Variants in BRDT observed in about 807,000 individuals in gnomAD.
The protein encoded by BRDT is bromodomain testis associated, also known as bromodomain testis-specific protein.
A neutral mutation model predicts 113.9 loss-of-function variants in BRDT; 77 were observed. The observed-to-expected ratio is 0.68, with a 90% CI of 0.56 to 0.82. The LOEUF (loss-of-function observed/expected upper bound fraction) is 0.82, where lower values mean the gene tolerates loss of function less well. Ranked by LOEUF, BRDT falls within the 40% of genes least tolerant of loss-of-function variation. The pLI, the probability that BRDT is intolerant of heterozygous loss-of-function variation, is 0.00. For missense variants in BRDT, 1,027 were observed against 1,105.4 expected (o/e 0.93, Z 1.01); for synonymous variants, 358 against 366.5 (o/e 0.98, Z 0.26).
chr1:91,949,723 G>A (rs1249680660), intron 1 of BRDT, 41 bp downstream of exon 1: 1 of 152,252 alleles, frequency 6.6e-6, no homozygotes, highest in African/African-American at 2.4e-5. Context: ...ACCAACTTCA[G>A]GCTCGTTGCC....
chr1:92,005,302 A>C lies in BRDT; in HGVS notation c.2775+3A>C, dbSNP rs1687202709. 6.5e-7 allele frequency: 1 copy of C among 1,534,166 alleles called. No individual in the cohort carries two copies. Among genetic ancestry groups the C allele is most frequent in the Admixed American group, 2.3e-5 (1 of 42,718 alleles). Reference sequence around the variant, plus strand: ...AAGAGAGGAGGAGGAGAGAAGCAGTAAGTGAATTTTAGTTTACTAAATCTA... The same window carrying C: ...AAGAGAGGAGGAGGAGAGAAGCAGTCAGTGAATTTTAGTTTACTAAATCTA... On this transcript the variant is annotated splice_donor_region_variant and intron_variant, in intron 18 of 18. Transcript: ENST00000399546.
intron 4 of BRDT, among the ~76,000 whole-genome samples, chr1:91,974,184 A>G (rs1314584307): frequency 6.6e-6 from 1 of 152,238 alleles, no homozygotes; most frequent in African/African-American, 2.4e-5. Context: ...TAAAAACCCT[A>G]GAAGAAAACC....
intron 18 of BRDT, among the ~76,000 whole-genome samples, chr1:92,006,665 A>C (rs1373254223): frequency 1.3e-5 from 2 of 151,968 alleles, no homozygotes; most frequent in Admixed American, 1.3e-4. Flanking sequence ...ATGGGGTTTC[A>C]CCATGTTAGG....
chr1:91,978,264 C>T lies in BRDT; in HGVS notation c.1066C>T (p.His356Tyr), dbSNP rs1439008577. The T allele has an allele frequency of 1.2e-6, 2 of 1,614,082 alleles. No individual in the cohort carries two copies. The highest frequency in any genetic ancestry group is 1.7e-6 in the Non-Finnish European group (2 of 1,179,994). Residue 356 changes from histidine (H) to tyrosine (Y), a missense_variant, in exon 7 of 19, where the codon CAC (histidine) becomes TAC (tyrosine). By Grantham distance (83) the His-to-Tyr change is moderately conservative. Transcript: ENST00000399546. ...TTGCTACAAGTACAATCCTCCAGAT[C>T]ACGAAGTTGTGACAATGGCAAGAAT... ...MNCYKYNPPD[H>Y]EVVTMARMLQ...
chr1:92,009,441 T>C (rs1332229938), intron 18 of BRDT, among the ~76,000 whole-genome samples: 1 of 152,136 alleles, frequency 6.6e-6, no homozygotes, highest in African/African-American at 2.4e-5. Flanking sequence ...TACCACAGTT[T>C]AGTTATTACT....
chr1:91,962,843 A>G lies in BRDT; in HGVS notation c.89A>G (p.Asn30Ser). Reference sequence around the variant, plus strand: ...ACTAAGAAAAATGGGCGATTGACAAATCAACTTCAGTATCTACAAAAAGTT... The same window carrying G: ...ACTAAGAAAAATGGGCGATTGACAAGTCAACTTCAGTATCTACAAAAAGTT... ...INTKKNGRLT[N>S]QLQYLQKVVL... Residue 30 changes from asparagine (N) to serine (S), a missense_variant, in exon 2 of 19, where the codon AAT becomes AGT. Coordinates refer to ENST00000399546, the MANE Select transcript of BRDT (RefSeq NM_207189.4). 6.2e-7 allele frequency: 1 copy of G among 1,613,036 alleles called. No homozygotes were observed. The highest frequency in any genetic ancestry group is 8.5e-7 in the Non-Finnish European group (1 of 1,179,636).
intron 14 of BRDT, among the ~76,000 whole-genome samples, chr1:91,993,082 A>G: frequency 6.6e-6 from 1 of 152,220 alleles, no homozygotes; most frequent in Non-Finnish European, 1.5e-5. Context: ...AGGTTCATGT[A>G]TGAATGTATA....
Position 91,965,034 on chromosome 1 carries a change from G to A in BRDT, c.330+270G>A, listed in dbSNP as rs139045545. Among the ~76,000 whole-genome samples the A allele has an allele frequency of 4.9e-3, 734 of 151,168 alleles. 5 individuals carry two copies. Among genetic ancestry groups the A allele is most frequent in the African/African-American group, 0.017 (687 of 41,154 alleles). On this transcript the variant is annotated intron_variant, in intron 3 of 18. Transcript: ENST00000399546. Reference sequence around the variant, plus strand: ...AGTGATTCTCCTGCCTCAGCCTCCCGAGTAGCTGGGAATACAGGCACCCAC... The same window carrying A: ...AGTGATTCTCCTGCCTCAGCCTCCCAAGTAGCTGGGAATACAGGCACCCAC...
chr1:91,975,553 G>A (rs928298546), intron 4 of BRDT, among the ~76,000 whole-genome samples: 6 of 152,196 alleles, frequency 3.9e-5, no homozygotes, highest in African/African-American at 1.4e-4. Flanking sequence ...CCACTTGTGA[G>A]AAGTGTTTGA....
intron 18 of BRDT, among the ~76,000 whole-genome samples, chr1:92,006,200 T>C (rs1400516254): frequency 6.6e-6 from 1 of 152,220 alleles, no homozygotes; most frequent in Non-Finnish European, 1.5e-5. Context: ...GTGTATTTTA[T>C]TGCTGTTGGA....
At chr1:91,987,674 T>TG (rs1380756466) in intron 12 of BRDT, among the ~76,000 whole-genome samples, 1 of 151,912 alleles carries the variant, frequency 6.6e-6, no homozygotes, top group Non-Finnish European at 1.5e-5. Context: ...TTTTGTTTTT[T>TG]TAAATCATAT....
rs1684112004 is a variant in BRDT, at chr1:91,976,087, T to C, written c.446-179T>C. On this transcript the variant is annotated intron_variant, in intron 4 of 18. Transcript: ENST00000399546. ...TTAATAACAAATGTTGAAGTCTCCA[T>C]TATTATATCTAAATTGGTCTAACCT... is the stretch of plus-strand genomic sequence containing the variant. Among the ~76,000 whole-genome samples the C allele has an allele frequency of 2.6e-5, 4 of 152,328 alleles. No individual in the cohort carries two copies. The Middle Eastern group carries it at 0.01, about 389-fold the overall frequency.
chr1:91,963,782 T>C (rs1361887306), intron 2 of BRDT, among the ~76,000 whole-genome samples: 1 of 126,528 alleles, frequency 7.9e-6, no homozygotes, highest in East Asian at 2.7e-4. Flanking sequence ...TGTTCATCTT[T>C]ATTGGCTTTT....
At position 91,980,649 on chromosome 1, in the gene BRDT, G is replaced by A. The variant is rs1186688662; in HGVS notation, c.1294G>A (p.Ala432Thr). ...RLAKLQEQLK[A>T]VHQQLQVLSQ... is the part of the protein sequence containing the mutation. The stretch of plus-strand genomic sequence containing the variant: ...ATTTTTTTTCTTTTATCAGCTTAAA[G>A]CTGTACATCAACAGCTCCAGGTTTT... Residue 432 changes from alanine to threonine, a missense_variant, in exon 9 of 19, where the codon GCT becomes ACT. Ala to Thr is a moderately conservative substitution (Grantham distance 58). Transcript: ENST00000399546. The A allele has an allele frequency of 7.8e-6, 12 of 1,540,268 alleles. No individual in the cohort carries two copies. Among genetic ancestry groups the A allele is most frequent in the Non-Finnish European group, 1.0e-5 (12 of 1,150,472 alleles).
intron 1 of BRDT, among the ~76,000 whole-genome samples, chr1:91,961,110 A>C (rs887112627): frequency 1.3e-5 from 2 of 152,190 alleles, no homozygotes; most frequent in East Asian, 3.9e-4. Flanking sequence ...CAGGAGTTCC[A>C]GACCAGCTTG....
At chr1:91,978,615 G>T (rs1210759685) in intron 7 of BRDT, among the ~76,000 whole-genome samples, 1 of 152,114 alleles carries the variant, frequency 6.6e-6, no homozygotes, top group South Asian at 2.1e-4. Context: ...ATGATATATA[G>T]GGTTGACTAG....
rs761642035 is a variant in BRDT at position 91,992,355 on chromosome 1, G to A, written c.2115+41G>A. The A allele has an allele frequency of 2.4e-6, 3 of 1,272,458 alleles. No homozygotes were observed. In the African/African-American group the frequency reaches 4.8e-5, roughly 21 times the overall value. The allele number at this position is 1,272,458 out of a possible 1,614,324, so 78.8% of individuals were successfully genotyped here. ...TGTTTTAAAGAACAGGGGAAGAAAT[G>A]GTTTACATATAGATTAGGGGCTTAC... is the stretch of plus-strand genomic sequence containing the variant. On this transcript the variant is annotated intron_variant, in intron 14 of 18. Transcript: ENST00000399546.
intron 17 of BRDT, 41 bp downstream of exon 17, chr1:92,004,660 A>G: frequency 6.7e-7 from 1 of 1,500,736 alleles, no homozygotes; most frequent in South Asian, 1.3e-5. Flanking sequence ...TGGGAGATAT[A>G]GAATGTATTT....
chr1:91,996,014 GGAA>G (rs1430930417), intron 15 of BRDT, among the ~76,000 whole-genome samples: 2 of 152,094 alleles, frequency 1.3e-5, no homozygotes, highest in Non-Finnish European at 2.9e-5. Context: ...GGGCATTCCA[GGAA>G]GAAGAATAAA....
Sources: allele counts gnomAD v4.1 joint callset (sites outside exome capture counted in the v4.1 genomes callset), GRCh38; gene constraint gnomAD v4.1.1; transcripts MANE v1.5; gene names NCBI Gene and HGNC (gene_info 2026-07-23, HGNC 2026-07-21).